The following ABCB1 variants were observed in gnomAD, a reference collection of about 807,000 sequenced individuals.
ABCB1 encodes ATP-dependent translocase ABCB1.
A neutral mutation model predicts 142.0 loss-of-function variants in ABCB1; 69 were observed. The ratio of observed to expected loss-of-function variants is 0.49; its 90% CI spans 0.40 to 0.59. ABCB1 has a LOEUF of 0.59. Ranked by LOEUF, ABCB1 falls within the 20% of genes least tolerant of loss-of-function variation. The probability of loss-of-function intolerance (pLI) is 0.00; values close to 1 mark genes in which losing one functional copy is unlikely to be tolerated. For synonymous variants in ABCB1, 532 were observed against 539.2 expected, an observed-to-expected ratio of 0.99 and a Z score of 0.18; for missense variants, 1,326 against 1,554.7, an observed-to-expected ratio of 0.85 and a Z score of 2.47.
At chr7:87,511,914 G>A (rs144179476) in intron 25 of ABCB1, among the ~76,000 whole-genome samples, 1 of 152,098 alleles carries the variant, frequency 6.6e-6, no homozygotes, top group South Asian at 2.1e-4. Flanking sequence ...GAAAGGTAAG[G>A]GGAAGACTCA....
chr7:87,675,701 C>T (rs907354275), intron 1 of ABCB1, among the ~76,000 whole-genome samples: 1 of 103,166 alleles, frequency 9.7e-6, no homozygotes, highest in Non-Finnish European at 2.1e-5. Flanking sequence ...AGAAAGAAAA[C>T]AAAGAAAGAG....
chr7:87,544,857 G>A lies in ABCB1; in HGVS notation c.2030C>T (p.Ala677Val), dbSNP rs1816701419. Reference protein sequence around the residue: ...STRRSVRGSQAQDRKLSTKEA... With the variant: ...STRRSVRGSQVQDRKLSTKEA... ...TTTGGTACTAAGCTTTCTGTCTTGGGCTTGTGATCCACGGACACTCCTACG... is the reference window on the plus strand; with the variant it reads ...TTTGGTACTAAGCTTTCTGTCTTGGACTTGTGATCCACGGACACTCCTACG... Residue 677 changes from alanine to valine, a missense_variant, in exon 16 of 28, where the codon GCC becomes GTC. Transcript: ENST00000622132. 6.2e-7 allele frequency: 1 copy of A among 1,613,860 alleles called. No individual in the cohort carries two copies. The highest frequency in any genetic ancestry group is 1.3e-5 in the African/African-American group (1 of 74,862).
intron 1 of ABCB1, among the ~76,000 whole-genome samples, chr7:87,646,355 G>A (rs1823003099): frequency 6.6e-6 from 1 of 152,086 alleles, no homozygotes; most frequent in South Asian, 2.1e-4. Context: ...GGAGAACATA[G>A]TGACTAAAAT....
At chr7:87,541,265 TA>T in intron 18 of ABCB1, 91 bp downstream of exon 18, 1 of 892,072 alleles carries the variant, frequency 1.1e-6, no homozygotes, top group Non-Finnish European at 1.8e-6. Context: ...GAAGTTCTAC[TA>T]AAAGGCCAAT....
At chr7:87,540,203 G>A (rs1042171332) in intron 18 of ABCB1, among the ~76,000 whole-genome samples, 1 of 152,108 alleles carries the variant, frequency 6.6e-6, no homozygotes, top group East Asian at 1.9e-4. Flanking sequence ...AAAATTACAG[G>A]TGGCTAATCA....
intron 4 of ABCB1, among the ~76,000 whole-genome samples, chr7:87,571,336 C>G (rs1242836874): frequency 9.9e-5 from 15 of 152,134 alleles, no homozygotes; most frequent in Middle Eastern, 3.2e-3. Context: ...TGCAAGAAAA[C>G]AGACCAGCAG....
upstream of ABCB1, among the ~76,000 whole-genome samples, chr7:87,601,365 G>T (rs1407487999): frequency 6.6e-6 from 1 of 152,076 alleles, no homozygotes; most frequent in Non-Finnish European, 1.5e-5. Context: ...AGTTACATCT[G>T]TTCATCCTTT....
intron 1 of ABCB1, among the ~76,000 whole-genome samples, chr7:87,695,301 A>G (rs1828403394): frequency 2.0e-5 from 3 of 152,108 alleles, no homozygotes; most frequent in Admixed American, 2.0e-4. Context: ...TTTTTAAAGG[A>G]AAAGTTTCTG....
chr7:87,702,034 T>C (rs1829092821), intron 1 of ABCB1, among the ~76,000 whole-genome samples: 3 of 149,974 alleles, frequency 2.0e-5, no homozygotes, highest in South Asian at 4.2e-4. Flanking sequence ...TCCCAGCTAC[T>C]TGGGAGGCTG....
At chr7:87,545,771 TAATCA>T (rs1816753358) in intron 15 of ABCB1, 87 bp downstream of exon 15, 3 of 1,370,320 alleles carry the variant, frequency 2.2e-6, no homozygotes. Context: ...CTTTGTAAGG[TAATCA>T]AATCAAATAA....
chr7:87,585,531 C>T lies in ABCB1; in HGVS notation c.267G>A (p.Met89Ile), dbSNP rs1584902336. ...ACTTACTTCTATTAGTGATGTTTGA[C>T]ATCAGATCTTCTAAATTTCCTGCAT... ...FANAGNLEDLMSNITNRSDIN... is the reference protein window; with the variant it reads ...FANAGNLEDLISNITNRSDIN... Residue 89 changes from methionine to isoleucine, a missense_variant, in exon 4 of 28, where the codon ATG (methionine) becomes ATA (isoleucine). Met to Ile is a conservative substitution (Grantham distance 10, BLOSUM62 1). Transcript: ENST00000622132. 6.2e-7 allele frequency: 1 copy of T among 1,613,742 alleles called. No homozygotes were observed. Among genetic ancestry groups the T allele is most frequent in the Non-Finnish European group, 8.5e-7 (1 of 1,179,824 alleles).
At chr7:87,640,825 C>G (rs979713216) in intron 1 of ABCB1, among the ~76,000 whole-genome samples, 1 of 152,052 alleles carries the variant, frequency 6.6e-6, no homozygotes, top group African/African-American at 2.4e-5. Flanking sequence ...ACTGTTTAAT[C>G]CATTGAATGA....
intron 1 of ABCB1, among the ~76,000 whole-genome samples, chr7:87,707,273 G>A (rs1271907194): frequency 1.3e-5 from 2 of 152,112 alleles, no homozygotes. Flanking sequence ...AAACCTATGG[G>A]TGATAGAGAC....
intron 1 of ABCB1, among the ~76,000 whole-genome samples, chr7:87,625,277 A>G (rs1160160998): frequency 6.6e-6 from 1 of 152,164 alleles, no homozygotes; most frequent in Non-Finnish European, 1.5e-5. Context: ...AAGAAAAAAG[A>G]AAAATAACAC....
In ABCB1 at chr7:87,536,612, T is replaced by A. The variant is rs572351836; in HGVS notation, c.2398-71A>T. 2.0e-5 allele frequency: 29 copies of A among 1,433,536 alleles called. No individual in the cohort carries two copies. The South Asian group carries it at 2.9e-4, about 14-fold the overall frequency. The allele number at this position is 1,433,536 out of a possible 1,614,324, so 88.8% of individuals were successfully genotyped here. On this transcript the variant is annotated intron_variant, in intron 19 of 27. Transcript: ENST00000622132. ...ACTCTCAGCTCCAAGAGGGCAGCGA[T>A]GGGGTCAGTTTTGTTTATACTTATA...
At chr7:87,544,319 A>G (rs752556859) in intron 16 of ABCB1, 44 bp from the exon 17 acceptor site, 2 of 1,592,904 alleles carry the variant, frequency 1.3e-6, no homozygotes, top group Non-Finnish European at 1.7e-6. Context: ...AAAAACTTTT[A>G]TATGTACAAT....
chr7:87,528,340 T>C (rs1286891007), intron 21 of ABCB1, among the ~76,000 whole-genome samples: 2 of 152,200 alleles, frequency 1.3e-5, no homozygotes, highest in African/African-American at 4.8e-5. Flanking sequence ...TAGGTTTGTG[T>C]ATATCTTATG....
chr7:87,551,790 A>C (rs1048266015), intron 9 of ABCB1, among the ~76,000 whole-genome samples: 16 of 152,254 alleles, frequency 1.1e-4, no homozygotes, highest in Non-Finnish European at 1.6e-4. Flanking sequence ...TTTAAATTTC[A>C]CAGGGCTAGA....
chr7:87,639,131 G>C (rs1012582148), intron 1 of ABCB1, among the ~76,000 whole-genome samples: 1 of 132,226 alleles, frequency 7.6e-6, no homozygotes, highest in Admixed American at 8.7e-5. Context: ...TCCAGCCTGG[G>C]CGACAGAGTG....
Sources: allele counts gnomAD v4.1 joint callset (sites outside exome capture counted in the v4.1 genomes callset), GRCh38; gene constraint gnomAD v4.1.1; transcripts MANE v1.5; gene names NCBI Gene and HGNC (gene_info 2026-07-23, HGNC 2026-07-21).